Variants in CPA6 observed in about 807,000 individuals in gnomAD.
CPA6 encodes carboxypeptidase A6.
CPA6 carries 58 observed loss-of-function variants against 63.3 expected under a neutral mutation model. The observed-to-expected ratio is 0.92, with a 90% confidence interval of 0.74 to 1.14. The LOEUF is 1.14. Ranked by LOEUF, CPA6 falls within the 50% of genes most tolerant of loss-of-function variation. The pLI is 0.00. For synonymous variants in CPA6, 185 were observed against 179.0 expected (o/e 1.03, Z -0.27); for missense variants, 565 against 526.6 (o/e 1.07, Z -0.71).
At chr8:67,639,594 G>A (rs1034537959) in intron 1 of CPA6, among the ~76,000 whole-genome samples, 1 of 151,598 alleles carries the variant, frequency 6.6e-6, no homozygotes, top group Non-Finnish European at 1.5e-5. Context: ...GGGATGCCAG[G>A]AACTGCAGAG....
At position 67,565,180 on chromosome 8, in the gene CPA6, TTTG is replaced by T. The variant is rs1587569865; in HGVS notation, c.193-47136_193-47134del. 3.3e-5 allele frequency among the ~76,000 whole-genome samples: 5 copies of T among 152,060 alleles called. No individual in the cohort carries two copies. The East Asian group carries it at 9.6e-4, about 29-fold the overall frequency. On this transcript the variant is annotated intron_variant, in intron 2 of 10. Coordinates refer to ENST00000297770, the MANE Select transcript of CPA6 (RefSeq NM_020361.5). ...TTTTTCTTTTTCTTTCTTTTTTTTT[TTTG>T]TTGTTGTTTTTTAGGATCTTGCTCT...
intron 1 of CPA6, among the ~76,000 whole-genome samples, chr8:67,709,171 C>G (rs946229588): frequency 6.6e-6 from 1 of 152,294 alleles, no homozygotes; most frequent in South Asian, 2.1e-4. Context: ...ACTGCGTATG[C>G]GGCCCCTGTC....
chr8:67,707,780 T>C (rs1274062892), intron 1 of CPA6, among the ~76,000 whole-genome samples: 1 of 152,106 alleles, frequency 6.6e-6, no homozygotes, highest in East Asian at 1.9e-4. Context: ...TTGTGGCATG[T>C]TCCTGTAGTC....
intron 2 of CPA6, among the ~76,000 whole-genome samples, chr8:67,523,174 A>G (rs1812295014): frequency 6.6e-6 from 1 of 152,192 alleles, no homozygotes; most frequent in East Asian, 1.9e-4. Flanking sequence ...GGGACTATAA[A>G]TAGCATATTT....
At position 67,577,461 on chromosome 8, in the gene CPA6, C is replaced by T. The variant is rs143829331; in HGVS notation, c.192+46715G>A. 4.3e-3 allele frequency among the ~76,000 whole-genome samples: 656 copies of T among 152,122 alleles called. 2 individuals carry two copies. Among genetic ancestry groups the T allele is most frequent in the African/African-American group, 0.015 (628 of 41,500 alleles). On this transcript the variant is annotated intron_variant, in intron 2 of 10. Transcript: ENST00000297770. ...TTGCCTAGCATGTAATCTGGAGGTT[C>T]CTAATAGGGAAGATTCACTACTCCC... is the stretch of plus-strand genomic sequence containing the variant.
intron 1 of CPA6, among the ~76,000 whole-genome samples, chr8:67,728,809 G>A (rs1487437230): frequency 6.6e-6 from 1 of 152,186 alleles, no homozygotes; most frequent in African/African-American, 2.4e-5. Context: ...ACTAGTAAGT[G>A]GAAGAACTAG....
At chr8:67,688,909 A>G (rs970103907) in intron 1 of CPA6, among the ~76,000 whole-genome samples, 10 of 152,148 alleles carry the variant, frequency 6.6e-5, no homozygotes, top group African/African-American at 2.4e-4. Flanking sequence ...AAAGGCTCCC[A>G]TAGACTAGTA....
intron 1 of CPA6, among the ~76,000 whole-genome samples, chr8:67,677,579 C>G (rs905515882): frequency 6.6e-6 from 1 of 152,100 alleles, no homozygotes; most frequent in African/African-American, 2.4e-5. Context: ...ACATCTCTCT[C>G]TCTCTGTATA....
At chr8:67,656,046 C>G (rs1014192871) in intron 1 of CPA6, among the ~76,000 whole-genome samples, 17 of 151,966 alleles carry the variant, frequency 1.1e-4, no homozygotes, top group Admixed American at 1.0e-3. Flanking sequence ...TTCTTCTAGT[C>G]TCTGTGGAAG....
In CPA6 at chr8:67,432,398, A is replaced by C. The variant is rs144516207; in HGVS notation, c.1041+1640T>G. Among the ~76,000 whole-genome samples the C allele has an allele frequency of 1.2e-3, 189 of 152,212 alleles. 1 individual carries two copies. Among genetic ancestry groups the C allele is most frequent in the African/African-American group, 4.4e-3 (184 of 41,548 alleles). The stretch of plus-strand genomic sequence containing the variant: ...ACCCAGAGAACGCACGGAAGCCCTG[A>C]GCCCCTTCCCCCATACATTGCCGTA... On this transcript the variant is annotated intron_variant, in intron 9 of 10. Coordinates refer to ENST00000297770, the MANE Select transcript of CPA6 (RefSeq NM_020361.5).
intron 2 of CPA6, among the ~76,000 whole-genome samples, chr8:67,523,221 A>C (rs1054636582): frequency 6.6e-6 from 1 of 152,192 alleles, no homozygotes; most frequent in Admixed American, 6.5e-5. Context: ...ATACATACAC[A>C]CAAAGTACCT....
intron 8 of CPA6, among the ~76,000 whole-genome samples, chr8:67,437,389 T>C (rs975869580): frequency 9.2e-5 from 14 of 152,072 alleles, no homozygotes; most frequent in African/African-American, 3.4e-4. Context: ...AGCGAGACTC[T>C]GTCTCAAAAC....
chr8:67,585,365 G>A (rs1328860528), intron 2 of CPA6, among the ~76,000 whole-genome samples: 1 of 152,160 alleles, frequency 6.6e-6, no homozygotes, highest in Non-Finnish European at 1.5e-5. Context: ...AGGGGACTAG[G>A]GCTGTTGCAT....
At chr8:67,711,555 T>C (rs559928551) in intron 1 of CPA6, among the ~76,000 whole-genome samples, 51 of 152,164 alleles carry the variant, frequency 3.4e-4, no homozygotes, top group Non-Finnish European at 6.5e-4. Flanking sequence ...ATTGACAGCC[T>C]GAGGAGGCTC....
intron 8 of CPA6, among the ~76,000 whole-genome samples, chr8:67,454,350 C>T (rs1810623441): frequency 6.6e-6 from 1 of 152,102 alleles, no homozygotes; most frequent in African/African-American, 2.4e-5. Flanking sequence ...TGGATGGATA[C>T]ATTATTTTAA....
intron 8 of CPA6, among the ~76,000 whole-genome samples, chr8:67,475,806 TTTC>T (rs1563967449): frequency 6.9e-5 from 5 of 72,852 alleles, no homozygotes; most frequent in African/African-American, 1.7e-4. Context: ...TCTTTCTTTC[TTTC>T]TTTCTTTCCT....
At chr8:67,543,839 A>C (rs952396856) in intron 2 of CPA6, among the ~76,000 whole-genome samples, 3 of 151,788 alleles carry the variant, frequency 2.0e-5, no homozygotes, top group African/African-American at 4.8e-5. Flanking sequence ...GCTGGAGTGC[A>C]GTAGTGTGAT....
At chr8:67,591,707 G>C (rs1814130670) in intron 2 of CPA6, among the ~76,000 whole-genome samples, 1 of 152,300 alleles carries the variant, frequency 6.6e-6, no homozygotes, top group African/African-American at 2.4e-5. Context: ...TGGTGTATAA[G>C]AAGGCTTGTG....
rs894202814 is a variant in CPA6, at chr8:67,699,868, C to T, written c.116+46146G>A. 3.9e-5 allele frequency among the ~76,000 whole-genome samples: 6 copies of T among 152,132 alleles called. No individual in the cohort carries two copies. The South Asian group carries it at 6.2e-4, about 16-fold the overall frequency. On this transcript the variant is annotated intron_variant, in intron 1 of 10. Transcript: ENST00000297770. The stretch of plus-strand genomic sequence containing the variant: ...CCTCCCAGAGCGTTAGGATTACAGG[C>T]GTGAGCCACCACGCCCGGCCATGGT...
Sources: allele counts gnomAD v4.1 joint callset (sites outside exome capture counted in the v4.1 genomes callset), GRCh38; gene constraint gnomAD v4.1.1; transcripts MANE v1.5; gene names NCBI Gene and HGNC (gene_info 2026-07-23, HGNC 2026-07-21).